FER: variants seen among roughly 807,000 people sequenced by gnomAD.
The protein encoded by FER is tyrosine-protein kinase Fer.
FER carries 63 observed loss-of-function variants against 111.0 expected under a neutral mutation model. That is an observed-to-expected ratio of 0.57 (90% CI 0.46 to 0.70). The LOEUF (loss-of-function observed/expected upper bound fraction) is 0.70, where lower values mean the gene tolerates loss of function less well. FER is among the 30% of genes least tolerant of loss of function. FER has a pLI of 0.00. For missense variants in FER, 914 were observed against 954.0 expected, an observed-to-expected ratio of 0.96 and a Z score of 0.55; for synonymous variants, 327 against 313.9, an observed-to-expected ratio of 1.04 and a Z score of -0.44.
intron 5 of FER, among the ~76,000 whole-genome samples, chr5:108,844,075 A>AACATGCGTGTGAAC (rs1561500135): frequency 6.8e-6 from 1 of 146,440 alleles, no homozygotes; most frequent in Non-Finnish European, 1.5e-5. Flanking sequence ...TATGTGTGTG[A>AACATGCGTGTGAAC]ACATATATGC....
intron 13 of FER, among the ~76,000 whole-genome samples, chr5:109,009,458 CT>C (rs1417759727): frequency 1.3e-5 from 2 of 152,196 alleles, no homozygotes; most frequent in African/African-American, 2.4e-5. Flanking sequence ...GCCTCTACCC[CT>C]GACCACCTTA....
intron 17 of FER, among the ~76,000 whole-genome samples, chr5:109,157,041 C>T (rs1438910208): frequency 2.0e-5 from 3 of 152,070 alleles, no homozygotes; most frequent in South Asian, 2.1e-4. Context: ...CCAGTTATTT[C>T]TCCTAGGCCA....
chr5:109,065,827 C>G (rs1168888434), intron 16 of FER, among the ~76,000 whole-genome samples: 1 of 152,022 alleles, frequency 6.6e-6, no homozygotes, highest in Non-Finnish European at 1.5e-5. Flanking sequence ...GTCATTAGTA[C>G]CTGTTTATAA....
chr5:108,808,956 C>G (rs1757472441), intron 3 of FER, among the ~76,000 whole-genome samples: 1 of 152,210 alleles, frequency 6.6e-6, no homozygotes, highest in African/African-American at 2.4e-5. Flanking sequence ...GAGAAGTCCA[C>G]TGTTGGCCTG....
chr5:109,116,817 T>C (rs1750312157), intron 17 of FER, among the ~76,000 whole-genome samples: 1 of 152,182 alleles, frequency 6.6e-6, no homozygotes, highest in South Asian at 2.1e-4. Flanking sequence ...AATGTCATTT[T>C]CCACTTTTTG....
chr5:109,176,888 T>G (rs1010790100), intron 17 of FER, among the ~76,000 whole-genome samples: 5 of 152,210 alleles, frequency 3.3e-5, no homozygotes, highest in Admixed American at 2.6e-4. Context: ...CTGAAGGACA[T>G]CAAATGATAT....
At chr5:108,818,640 T>C (rs915757182) in intron 3 of FER, among the ~76,000 whole-genome samples, 1 of 152,198 alleles carries the variant, frequency 6.6e-6, no homozygotes, top group Non-Finnish European at 1.5e-5. Flanking sequence ...AAAGTAGTCC[T>C]ATTTCTAATT....
intron 13 of FER, among the ~76,000 whole-genome samples, chr5:109,029,869 CA>C (rs1266491644): frequency 6.6e-6 from 1 of 152,128 alleles, no homozygotes; most frequent in African/African-American, 2.4e-5. Context: ...TGTCTTTCGC[CA>C]AATTTGAGAA....
chr5:109,146,500 A>C (rs1444963628), intron 17 of FER, among the ~76,000 whole-genome samples: 5 of 151,302 alleles, frequency 3.3e-5, no homozygotes, highest in Non-Finnish European at 1.5e-5. Flanking sequence ...ATTTATCCAC[A>C]TTTCCTCTGT....
intron 8 of FER, among the ~76,000 whole-genome samples, chr5:108,875,242 G>A (rs1764972459): frequency 6.6e-6 from 1 of 151,932 alleles, no homozygotes. Flanking sequence ...TCAGCTTCAG[G>A]TAACTTCTAG....
chr5:109,018,867 T>G (rs956131647), intron 13 of FER, among the ~76,000 whole-genome samples: 3 of 151,480 alleles, frequency 2.0e-5, no homozygotes, highest in African/African-American at 7.3e-5. Flanking sequence ...TTTGGACAAA[T>G]AGTAGAGGGA....
At chr5:108,940,057 C>G (rs193295754) in intron 10 of FER, among the ~76,000 whole-genome samples, 2 of 152,158 alleles carry the variant, frequency 1.3e-5, no homozygotes, top group East Asian at 3.9e-4. Flanking sequence ...TCCCCTGAAA[C>G]TCATCAATAA....
chr5:109,021,046 A>T (rs561253494), intron 13 of FER, among the ~76,000 whole-genome samples: 75 of 152,058 alleles, frequency 4.9e-4, no homozygotes, highest in African/African-American at 1.8e-3. Context: ...GTTTTGCTTC[A>T]TATTAAGTAG....
intron 11 of FER, among the ~76,000 whole-genome samples, chr5:108,951,735 C>G (rs933939579): frequency 6.6e-6 from 1 of 151,856 alleles, no homozygotes; most frequent in Non-Finnish European, 1.5e-5. Context: ...TTGCTTTTTT[C>G]AAAATGGTTT....
chr5:108,826,165 TG>T (rs1348961562), intron 3 of FER, among the ~76,000 whole-genome samples: 1 of 152,218 alleles, frequency 6.6e-6, no homozygotes, highest in African/African-American at 2.4e-5. Context: ...CAATACTCTT[TG>T]TGCATATATT....
chr5:109,159,148 CCT>C (rs1196238173), intron 17 of FER, among the ~76,000 whole-genome samples: 7 of 152,058 alleles, frequency 4.6e-5, no homozygotes, highest in African/African-American at 9.7e-5. Flanking sequence ...TCTCCCTACC[CCT>C]GTTTTGGCTT....
At chr5:108,750,243 A>G (rs886867846) in intron 1 of FER, among the ~76,000 whole-genome samples, 1 of 151,794 alleles carries the variant, frequency 6.6e-6, no homozygotes, top group African/African-American at 2.4e-5. Flanking sequence ...ATACTTTTCA[A>G]TTCATATGTG....
At chr5:108,901,089 C>A (rs376845986) in intron 10 of FER, among the ~76,000 whole-genome samples, 1 of 152,026 alleles carries the variant, frequency 6.6e-6, no homozygotes, top group African/African-American at 2.4e-5. Flanking sequence ...TCCCCACCCC[C>A]GCCATGTGAA....
At chr5:108,810,331 TC>T (rs1314024603) in intron 3 of FER, among the ~76,000 whole-genome samples, 13 of 152,324 alleles carry the variant, frequency 8.5e-5, no homozygotes, top group African/African-American at 3.1e-4. Context: ...AGAGAAGCTC[TC>T]TGTTGCCTCA....
Sources: allele counts gnomAD v4.1 joint callset (sites outside exome capture counted in the v4.1 genomes callset), GRCh38; gene constraint gnomAD v4.1.1; transcripts MANE v1.5; gene names NCBI Gene and HGNC (gene_info 2026-07-23, HGNC 2026-07-21).